Variants in RALYL observed in about 807,000 individuals in gnomAD.
The protein encoded by RALYL is RALY RNA binding protein like.
In RALYL, 29 loss-of-function variants were observed where a neutral mutation model predicts 35.1. The observed-to-expected ratio is 0.83, with a 90% CI of 0.61 to 1.13. The LOEUF is 1.13. Among genes scored for constraint, RALYL ranks in the 50% most tolerant of loss-of-function variants. RALYL has a pLI of 0.00. For synonymous variants in RALYL, 120 were observed against 127.6 expected, an observed-to-expected ratio of 0.94 and a Z score of 0.40; for missense variants, 359 against 360.4, an observed-to-expected ratio of 1.00 and a Z score of 0.03.
At chr8:84,234,765 A>ATTTT (rs1179372758) in intron 1 of RALYL, among the ~76,000 whole-genome samples, 5 of 136,886 alleles carry the variant, frequency 3.7e-5, no homozygotes, top group Admixed American at 7.1e-5. Context: ...TTATTTATTT[A>ATTTT]TTTATTTTTT....
At chr8:84,454,107 C>A (rs1450424954) in intron 1 of RALYL, among the ~76,000 whole-genome samples, 1 of 151,902 alleles carries the variant, frequency 6.6e-6, no homozygotes, top group East Asian at 1.9e-4. Flanking sequence ...CTTCTAAAAA[C>A]AAAATGAATA....
chr8:84,878,059 A>C (rs1199390209), intron 7 of RALYL, among the ~76,000 whole-genome samples: 2 of 152,182 alleles, frequency 1.3e-5, no homozygotes, highest in African/African-American at 4.8e-5. Flanking sequence ...ACAAACTCCC[A>C]AAAAGCTCAG....
rs151221477 is a variant in RALYL, at chr8:84,874,912, C to T, written c.685+1515C>T. On this transcript the variant is annotated intron_variant, in intron 7 of 8. Coordinates refer to ENST00000521268, the MANE Select transcript of RALYL (RefSeq NM_173848.7). Reference sequence around the variant, plus strand: ...TGTACAGGCAAATGGACATTTCCTCCGACTTTCATACGGCTCATTTTTAAA... The same window carrying T: ...TGTACAGGCAAATGGACATTTCCTCTGACTTTCATACGGCTCATTTTTAAA... Among the ~76,000 whole-genome samples, 566 of 152,192 alleles carry T rather than the reference C, an allele frequency of 3.7e-3. 5 individuals carry two copies. The highest frequency in any genetic ancestry group is 0.012 in the African/African-American group (507 of 41,536).
intron 2 of RALYL, among the ~76,000 whole-genome samples, chr8:84,643,329 C>T (rs545595449): frequency 2.0e-5 from 3 of 152,128 alleles, no homozygotes; most frequent in East Asian, 3.9e-4. Context: ...CCAGTGACAA[C>T]CTAAAAGAGG....
At chr8:84,278,557 C>T (rs1835886646) in intron 1 of RALYL, among the ~76,000 whole-genome samples, 1 of 152,144 alleles carries the variant, frequency 6.6e-6, no homozygotes, top group Non-Finnish European at 1.5e-5. Context: ...GCCCAGTTTC[C>T]AAAATTCCAT....
intron 2 of RALYL, among the ~76,000 whole-genome samples, chr8:84,628,090 C>T (rs531118232): frequency 2.4e-4 from 37 of 152,198 alleles, no homozygotes; most frequent in African/African-American, 8.4e-4. Context: ...CTTTCAATGA[C>T]TTACTGTTAG....
chr8:84,856,789 G>A (rs1426522105), intron 5 of RALYL, among the ~76,000 whole-genome samples: 3 of 151,976 alleles, frequency 2.0e-5, no homozygotes, highest in Non-Finnish European at 4.4e-5. Context: ...AGCACTTTGG[G>A]AGGCCGAGGC....
At chr8:84,733,193 G>A (rs1446254746) in intron 2 of RALYL, among the ~76,000 whole-genome samples, 1 of 152,052 alleles carries the variant, frequency 6.6e-6, no homozygotes, top group Non-Finnish European at 1.5e-5. Context: ...GGGCACAAAC[G>A]AATCACTAGC....
chr8:84,672,347 T>A (rs1344171775), intron 2 of RALYL, among the ~76,000 whole-genome samples: 1 of 152,314 alleles, frequency 6.6e-6, no homozygotes, highest in East Asian at 1.9e-4. Context: ...CTTTCCCACA[T>A]CTTGTCTTAT....
intron 7 of RALYL, 96 bp from the exon 8 acceptor site, chr8:84,887,508 T>C (rs1284767878): frequency 2.9e-6 from 3 of 1,045,762 alleles, no homozygotes; most frequent in African/African-American, 1.6e-5. Context: ...TAATAGCATA[T>C]AGCGTTTACC....
chr8:84,698,173 T>C (rs1839505618), intron 2 of RALYL, among the ~76,000 whole-genome samples: 1 of 152,084 alleles, frequency 6.6e-6, no homozygotes, highest in Non-Finnish European at 1.5e-5. Context: ...TGAACCTCGG[T>C]TCCCTTATCT....
chr8:84,476,394 C>T (rs1434614687), intron 1 of RALYL, among the ~76,000 whole-genome samples: 1 of 152,118 alleles, frequency 6.6e-6, no homozygotes, highest in African/African-American at 2.4e-5. Context: ...TTATGGAAAA[C>T]CTCTTTTGCT....
intron 2 of RALYL, among the ~76,000 whole-genome samples, chr8:84,581,358 A>G (rs1439744882): frequency 1.3e-5 from 2 of 152,170 alleles, no homozygotes; most frequent in Non-Finnish European, 2.9e-5. Context: ...ATCCACGGTT[A>G]TGAATTCTCC....
intron 8 of RALYL, among the ~76,000 whole-genome samples, chr8:84,913,127 C>T (rs1587193535): frequency 6.6e-6 from 1 of 151,860 alleles, no homozygotes; most frequent in South Asian, 2.1e-4. Context: ...CTTGTTTGCT[C>T]AGCAAGTAAT....
chr8:84,412,010 C>G (rs114571600), intron 1 of RALYL, among the ~76,000 whole-genome samples: 1 of 151,822 alleles, frequency 6.6e-6, no homozygotes, highest in Non-Finnish European at 1.5e-5. Flanking sequence ...ACACAAAATG[C>G]GTAGAACTGC....
rs150054224 is a variant in RALYL at position 84,737,002 on chromosome 8, A to C, written c.257-37577A>C. Among the ~76,000 whole-genome samples, 996 of 152,190 alleles carry C rather than the reference A, an allele frequency of 6.5e-3. 1 individual carries two copies. The highest frequency in any genetic ancestry group is 0.01 in the Non-Finnish European group (680 of 67,972). On this transcript the variant is annotated intron_variant, in intron 2 of 8. Coordinates refer to ENST00000521268, the MANE Select transcript of RALYL (RefSeq NM_173848.7). ...ATAATGCTGTTTTCAAAGATGCCTG[A>C]ATTCCACATCAGCACAAAAACTATG...
intron 1 of RALYL, among the ~76,000 whole-genome samples, chr8:84,296,465 G>A (rs1839762499): frequency 6.6e-6 from 1 of 151,844 alleles, no homozygotes; most frequent in Non-Finnish European, 1.5e-5. Flanking sequence ...TGTTCACCAT[G>A]TTCATCTTTC....
At chr8:84,399,856 G>T (rs1158295944) in intron 1 of RALYL, among the ~76,000 whole-genome samples, 2 of 152,150 alleles carry the variant, frequency 1.3e-5, no homozygotes, top group Admixed American at 1.3e-4. Context: ...TATCCAAAAT[G>T]CTTGGGGGCC....
chr8:84,880,491 A>G (rs1841987241), intron 7 of RALYL, among the ~76,000 whole-genome samples: 1 of 151,958 alleles, frequency 6.6e-6, no homozygotes, highest in Non-Finnish European at 1.5e-5. Context: ...TCAAATTGCC[A>G]GTCTCAACAT....
Sources: allele counts gnomAD v4.1 joint callset (sites outside exome capture counted in the v4.1 genomes callset), GRCh38; gene constraint gnomAD v4.1.1; transcripts MANE v1.5; gene names NCBI Gene and HGNC (gene_info 2026-07-23, HGNC 2026-07-21).